Variants in CSMD3 observed in about 807,000 individuals in gnomAD.
CSMD3 encodes CUB and sushi domain-containing protein 3.
CSMD3 carries 177 observed loss-of-function variants against 435.2 expected under a neutral mutation model. The ratio of observed to expected loss-of-function variants is 0.41; its 90% CI spans 0.36 to 0.46. CSMD3 has a LOEUF of 0.46. Ranked by LOEUF, CSMD3 falls within the 20% of genes least tolerant of loss-of-function variation. The pLI, the probability that CSMD3 is intolerant of heterozygous loss-of-function variation, is 0.34. For missense variants in CSMD3, 4,265 were observed against 4,504.6 expected, an observed-to-expected ratio of 0.95 and a Z score of 1.52; for synonymous variants, 1,656 against 1,520.5, an observed-to-expected ratio of 1.09 and a Z score of -2.07.
intron 17 of CSMD3, among the ~76,000 whole-genome samples, chr8:112,663,396 A>G (rs2131693173): frequency 6.7e-6 from 1 of 150,320 alleles, no homozygotes; most frequent in Admixed American, 6.7e-5. Flanking sequence ...ACAAAAAACC[A>G]AACACCACAT....
rs1389987081 is a variant in CSMD3, at chr8:112,281,212, G to A, written c.9470C>T (p.Ala3157Val). 6.2e-7 allele frequency: 1 copy of A among 1,613,052 alleles called. No homozygotes were observed. Among genetic ancestry groups the A allele is most frequent in the East Asian group, 2.2e-5 (1 of 44,808 alleles). ...LSGPSVRQCT[A>V]NGTWSGTLPN... ...TAAAGTTCCAGACCATGTTCCATTG[G>A]CTGTGCACTGTCTAACTGAAGGTCC... Residue 3157 changes from alanine to valine, a missense_variant, in exon 59 of 71, where the codon GCC becomes GTC. Physicochemically the swap from Ala to Val is moderately conservative, Grantham distance 64. This residue lies in a region of CSMD3 where 3,255 missense variants were observed against 3,380.2 expected (regional missense o/e 0.96). Coordinates refer to ENST00000297405, the MANE Select transcript of CSMD3 (RefSeq NM_198123.2).
chr8:113,149,542 C>T (rs1294337750), intron 4 of CSMD3, among the ~76,000 whole-genome samples: 2 of 151,752 alleles, frequency 1.3e-5, no homozygotes, highest in East Asian at 3.9e-4. Context: ...CCCACATTTC[C>T]AAAGCTTTGA....
intron 12 of CSMD3, among the ~76,000 whole-genome samples, chr8:112,806,445 T>A (rs2079088353): frequency 6.6e-6 from 1 of 152,170 alleles, no homozygotes; most frequent in South Asian, 2.1e-4. Flanking sequence ...CTCAAGCCCT[T>A]ACCTGCAGTC....
chr8:113,405,070 G>A (rs2094526743), intron 1 of CSMD3, among the ~76,000 whole-genome samples: 1 of 151,500 alleles, frequency 6.6e-6, no homozygotes. Flanking sequence ...ATACATGGAT[G>A]AAAATTTCTT....
chr8:112,616,323 G>C (rs1319359804), intron 22 of CSMD3, among the ~76,000 whole-genome samples: 1 of 151,856 alleles, frequency 6.6e-6, no homozygotes, highest in Non-Finnish European at 1.5e-5. Flanking sequence ...ATTTTTAGTG[G>C]TATTTTTATT....
intron 32 of CSMD3, among the ~76,000 whole-genome samples, chr8:112,409,582 A>G (rs1832159531): frequency 6.6e-6 from 1 of 152,024 alleles, no homozygotes; most frequent in South Asian, 2.1e-4. Context: ...ATGATTCCTA[A>G]ACATTTATTG....
intron 21 of CSMD3, among the ~76,000 whole-genome samples, chr8:112,637,705 A>G (rs981264468): frequency 6.6e-6 from 1 of 152,088 alleles, no homozygotes; most frequent in Non-Finnish European, 1.5e-5. Context: ...ATATTCCCAG[A>G]GCAGTTACTG....
At chr8:113,258,080 T>C (rs1190880979) in intron 3 of CSMD3, among the ~76,000 whole-genome samples, 1 of 152,174 alleles carries the variant, frequency 6.6e-6, no homozygotes, top group Non-Finnish European at 1.5e-5. Flanking sequence ...GAATTGTTTA[T>C]GACAAAATAA....
intron 2 of CSMD3, among the ~76,000 whole-genome samples, chr8:113,295,066 A>G (rs1336894206): frequency 2.0e-5 from 3 of 152,106 alleles, no homozygotes; most frequent in Non-Finnish European, 4.4e-5. Context: ...GCAGGTGCAT[A>G]TATTTATGGG....
chr8:112,295,725 T>C (rs902318847), intron 54 of CSMD3, 108 bp downstream of exon 54: 3 of 934,436 alleles, frequency 3.2e-6, no homozygotes, highest in African/African-American at 3.3e-5. Context: ...AAATTTACTT[T>C]ATATTGATAT....
At chr8:113,268,750 A>G (rs2093493523) in intron 3 of CSMD3, among the ~76,000 whole-genome samples, 1 of 152,104 alleles carries the variant, frequency 6.6e-6, no homozygotes, top group African/African-American at 2.4e-5. Flanking sequence ...TTAATTGTTT[A>G]TTCCACATTT....
chr8:112,501,510 A>C (rs1029234101), intron 30 of CSMD3, among the ~76,000 whole-genome samples: 1 of 152,214 alleles, frequency 6.6e-6, no homozygotes, highest in Non-Finnish European at 1.5e-5. Context: ...ATTTAATACA[A>C]TTAGCAACTT....
At chr8:112,596,145 G>A (rs1831693206) in intron 22 of CSMD3, among the ~76,000 whole-genome samples, 1 of 151,378 alleles carries the variant, frequency 6.6e-6, no homozygotes, top group Non-Finnish European at 1.5e-5. Flanking sequence ...GACACACATA[G>A]GCTCAAAATA....
intron 1 of CSMD3, among the ~76,000 whole-genome samples, chr8:113,416,306 T>A (rs1472476918): frequency 6.6e-6 from 1 of 152,106 alleles, no homozygotes; most frequent in African/African-American, 2.4e-5. Context: ...AACTACAGAA[T>A]TTTGCTTCCT....
intron 4 of CSMD3, among the ~76,000 whole-genome samples, chr8:113,155,954 GAA>G (rs2091920399): frequency 1.3e-5 from 2 of 152,012 alleles, no homozygotes; most frequent in African/African-American, 4.8e-5. Flanking sequence ...TAATGATTCT[GAA>G]AGTTTCTTTG....
chr8:113,009,974 A>T, intron 6 of CSMD3, among the ~76,000 whole-genome samples: 1 of 151,898 alleles, frequency 6.6e-6, no homozygotes, highest in East Asian at 1.9e-4. Context: ...TCATATGATT[A>T]ATTTGTAATA....
chr8:113,138,666 T>C (rs2131719728), intron 4 of CSMD3, among the ~76,000 whole-genome samples: 1 of 151,322 alleles, frequency 6.6e-6, no homozygotes, highest in South Asian at 2.1e-4. Context: ...GTTATCGTGA[T>C]GGGATTTCAG....
intron 47 of CSMD3, among the ~76,000 whole-genome samples, chr8:112,315,305 A>G (rs1822358301): frequency 6.6e-6 from 1 of 151,902 alleles, no homozygotes; most frequent in Non-Finnish European, 1.5e-5. Context: ...CATTGACAAA[A>G]AACATAATTA....
intron 13 of CSMD3, among the ~76,000 whole-genome samples, chr8:112,728,364 A>C (rs1587098719): frequency 1.3e-5 from 2 of 152,106 alleles, no homozygotes; most frequent in South Asian, 4.1e-4. Flanking sequence ...TAAAGAATTA[A>C]AATAAGTTAT....
Sources: allele counts gnomAD v4.1 joint callset (sites outside exome capture counted in the v4.1 genomes callset), GRCh38; gene constraint gnomAD v4.1.1; regional missense constraint gnomAD v4.1.1; transcripts MANE v1.5; gene names NCBI Gene and HGNC (gene_info 2026-07-23, HGNC 2026-07-21).